Variants in CDCP1 observed in about 807,000 individuals in gnomAD.
The protein encoded by CDCP1 is CUB domain-containing protein 1.
In CDCP1, 29 loss-of-function variants were observed where a neutral mutation model predicts 60.2. That is an observed-to-expected ratio of 0.48 (90% confidence interval 0.36 to 0.66). The LOEUF (loss-of-function observed/expected upper bound fraction) is 0.66. Among genes scored for constraint, CDCP1 ranks in the 30% least tolerant of loss-of-function variants. The pLI, the probability that CDCP1 is intolerant of heterozygous loss-of-function variation, is 0.00. For synonymous variants in CDCP1, 387 were observed against 431.1 expected, an observed-to-expected ratio of 0.90 and a Z score of 1.27; for missense variants, 876 against 1,074.3, an observed-to-expected ratio of 0.82 and a Z score of 2.58.
At chr3:45,093,135 C>G in intron 6 of CDCP1, 142 bp downstream of exon 6, 1 of 911,308 alleles carries the variant, frequency 1.1e-6, no homozygotes, top group South Asian at 1.8e-5. Context: ...GACTCACTAT[C>G]TTTCAAATTT....
intron 1 of CDCP1, among the ~76,000 whole-genome samples, chr3:45,126,155 TTTCTTTC>T (rs1698988773): frequency 7.0e-6 from 1 of 143,286 alleles, no homozygotes; most frequent in Non-Finnish European, 1.5e-5. Flanking sequence ...TCTTTCTTTC[TTTCTTTC>T]TTTCTTTCTT....
intron 1 of CDCP1, among the ~76,000 whole-genome samples, chr3:45,137,977 A>G (rs925868967): frequency 6.6e-6 from 1 of 152,180 alleles, no homozygotes; most frequent in Non-Finnish European, 1.5e-5. Context: ...GTTTCCCTCC[A>G]TGGAGATCTA....
chr3:45,137,332 G>A (rs1475275516), intron 1 of CDCP1, among the ~76,000 whole-genome samples: 1 of 152,138 alleles, frequency 6.6e-6, no homozygotes, highest in Non-Finnish European at 1.5e-5. Flanking sequence ...GGGCAAGGAG[G>A]GGAAGATGCC....
intron 4 of CDCP1, among the ~76,000 whole-genome samples, chr3:45,109,898 G>A (rs1238914977): frequency 6.6e-6 from 1 of 152,164 alleles, no homozygotes; most frequent in African/African-American, 2.4e-5. Flanking sequence ...CAGAGCACAG[G>A]CTCAGGGTTC....
rs12634943 is a variant in CDCP1, at chr3:45,110,579, C to T, written c.918G>A (p.Ala306=). The T allele has an allele frequency of 2.9e-3, 4,617 of 1,614,154 alleles. 46 individuals carry two copies. In the East Asian group the frequency reaches 0.032, roughly 11 times the overall value. The stretch of plus-strand genomic sequence containing the variant: ...CTTGCAGAGAGAGGTTGAAGTTCCC[C>T]GCCATGTTCCCAGGCTGCTTGTCCT... ...KLEDKQPGNM[A]GNFNLSLQGC... Residue 306 remains alanine, a synonymous_variant, in exon 4 of 9, where the codon GCG becomes GCA. Coordinates refer to ENST00000296129, the MANE Select transcript of CDCP1 (RefSeq NM_022842.5).
At chr3:45,096,318 C>A (rs549915495) in intron 4 of CDCP1, among the ~76,000 whole-genome samples, 1 of 151,998 alleles carries the variant, frequency 6.6e-6, no homozygotes, top group Non-Finnish European at 1.5e-5. Context: ...TGGAATATTA[C>A]GGAGCTGTTA....
chr3:45,107,819 G>C (rs1228653208), intron 4 of CDCP1, among the ~76,000 whole-genome samples: 1 of 152,160 alleles, frequency 6.6e-6, no homozygotes, highest in East Asian at 1.9e-4. Context: ...GCAAATGAGA[G>C]AGAATAAAGA....
Position 45,086,179 on chromosome 3 carries a change from C to T in CDCP1, c.2082-112G>A. The stretch of plus-strand genomic sequence containing the variant: ...TTCTTTAGGGTTCTGACCATGTCTC[C>T]CCCAAATCCCTCAGATTGCTCAGCA... On this transcript the variant is annotated intron_variant, in intron 8 of 8. Transcript: ENST00000296129. The T allele has an allele frequency of 3.4e-6, 3 of 885,038 alleles. No individual in the cohort carries two copies. The Admixed American group carries it at 6.8e-5, about 20-fold the overall frequency. 54.8% of individuals were successfully genotyped at this position (885,038 alleles called of 1,614,324 possible).
chr3:45,089,395 T>C (rs1268822837), intron 7 of CDCP1, among the ~76,000 whole-genome samples: 1 of 152,190 alleles, frequency 6.6e-6, no homozygotes, highest in African/African-American at 2.4e-5. Context: ...TTGCACTTTC[T>C]CTCTGAGAGA....
intron 5 of CDCP1, among the ~76,000 whole-genome samples, chr3:45,095,034 G>C (rs1253415159): frequency 6.6e-6 from 1 of 151,602 alleles, no homozygotes; most frequent in Non-Finnish European, 1.5e-5. Flanking sequence ...CCCAGGTTCA[G>C]GCCATTCTCC....
At chr3:45,130,784 G>C (rs1240826787) in intron 1 of CDCP1, among the ~76,000 whole-genome samples, 1 of 152,204 alleles carries the variant, frequency 6.6e-6, no homozygotes, top group Middle Eastern at 3.2e-3. Flanking sequence ...AAGGGGAGGA[G>C]CTTCCTTTTT....
chr3:45,133,471 C>T, intron 1 of CDCP1, among the ~76,000 whole-genome samples: 1 of 84,186 alleles, frequency 1.2e-5, no homozygotes, highest in Non-Finnish European at 2.4e-5. Context: ...GTAATCCCAG[C>T]ACTTTGGGAG....
At chr3:45,142,006 A>AT (rs1699298661) in intron 1 of CDCP1, among the ~76,000 whole-genome samples, 1 of 151,890 alleles carries the variant, frequency 6.6e-6, no homozygotes, top group African/African-American at 2.4e-5. Flanking sequence ...TAATTTTTGT[A>AT]TTTTTTAGTA....
At chr3:45,135,303 A>C (rs951416483) in intron 1 of CDCP1, among the ~76,000 whole-genome samples, 3 of 151,986 alleles carry the variant, frequency 2.0e-5, no homozygotes, top group African/African-American at 7.3e-5. Flanking sequence ...GATAGAAAAA[A>C]AAAAAAACAA....
chr3:45,097,139 CA>C (rs998310702), intron 4 of CDCP1, among the ~76,000 whole-genome samples: 2 of 151,784 alleles, frequency 1.3e-5, no homozygotes, highest in African/African-American at 4.8e-5. Flanking sequence ...GAAACCTCAT[CA>C]ATACTAAAAT....
intron 1 of CDCP1, among the ~76,000 whole-genome samples, chr3:45,126,166 C>CTT (rs1481221562): frequency 6.9e-6 from 1 of 144,292 alleles, no homozygotes; most frequent in Non-Finnish European, 1.5e-5. Flanking sequence ...TTCTTTCTTT[C>CTT]TTTCTTTCCT....
intron 1 of CDCP1, among the ~76,000 whole-genome samples, chr3:45,133,403 G>C (rs954178336): frequency 6.7e-6 from 1 of 148,332 alleles, no homozygotes; most frequent in Non-Finnish European, 1.5e-5. Flanking sequence ...CTGGCAATTT[G>C]TATGCAGCAA....
chr3:45,113,656 A>G (rs1399819817), intron 2 of CDCP1, among the ~76,000 whole-genome samples: 1 of 152,206 alleles, frequency 6.6e-6, no homozygotes, highest in African/African-American at 2.4e-5. Flanking sequence ...CTGTGGATCC[A>G]GGTGACTTGG....
At chr3:45,108,806 TGC>T (rs1698624772) in intron 4 of CDCP1, among the ~76,000 whole-genome samples, 3 of 51,454 alleles carry the variant, frequency 5.8e-5, no homozygotes, top group African/African-American at 1.1e-4. Context: ...TATATATATA[TGC>T]ATGTATACAT....
Sources: allele counts gnomAD v4.1 joint callset (sites outside exome capture counted in the v4.1 genomes callset), GRCh38; gene constraint gnomAD v4.1.1; transcripts MANE v1.5; gene names NCBI Gene and HGNC (gene_info 2026-07-23, HGNC 2026-07-21).